The following RLN2 variants were observed in gnomAD, a reference collection of about 807,000 sequenced individuals.
The protein encoded by RLN2 is prorelaxin H2.
A neutral mutation model predicts 7.3 loss-of-function variants in RLN2; 10 were observed. That is an observed-to-expected ratio of 1.36 (90% CI 0.84 to 2.31). The LOEUF (loss-of-function observed/expected upper bound fraction) is 2.31, where lower values mean the gene tolerates loss of function less well. Among genes scored for constraint, RLN2 ranks in the 30% most tolerant of loss-of-function variants. The pLI, the probability that RLN2 is intolerant of heterozygous loss-of-function variation, is 0.00. For missense variants in RLN2, 298 were observed against 217.6 expected, an observed-to-expected ratio of 1.37 and a Z score of -2.32; for synonymous variants, 103 against 82.3, an observed-to-expected ratio of 1.25 and a Z score of -1.36.
the RLN2 span, among the ~76,000 whole-genome samples, chr9:5,312,381 G>C: frequency 8.5e-4 from 129 of 152,170 alleles, 1 homozygote; most frequent in African/African-American, 2.9e-3. Flanking sequence ...TGAGATGGCA[G>C]CTGTCAAAAG....
At chr9:5,335,960 A>T in the RLN2 span, among the ~76,000 whole-genome samples, 1 of 152,022 alleles carries the variant, frequency 6.6e-6, no homozygotes, top group Non-Finnish European at 1.5e-5. Context: ...ATTTTCTTGG[A>T]TTCTTCTTAC....
the RLN2 span, among the ~76,000 whole-genome samples, chr9:5,330,914 G>A: frequency 1.2e-3 from 175 of 151,678 alleles, 2 homozygotes; most frequent in African/African-American, 4.1e-3. Context: ...GATAAAGGGG[G>A]TATCACCACT....
the RLN2 span, among the ~76,000 whole-genome samples, chr9:5,316,555 G>A: frequency 6.6e-6 from 1 of 151,880 alleles, no homozygotes; most frequent in Non-Finnish European, 1.5e-5. Flanking sequence ...TTGGTTTTCT[G>A]TTCCTGTGTT....
At chr9:5,333,860 A>T in the RLN2 span, among the ~76,000 whole-genome samples, 1 of 152,056 alleles carries the variant, frequency 6.6e-6, no homozygotes, top group Non-Finnish European at 1.5e-5. Flanking sequence ...CAAGGTTGGT[A>T]CAACATACAC....
chr9:5,324,070 A>C, the RLN2 span, among the ~76,000 whole-genome samples: 1 of 151,884 alleles, frequency 6.6e-6, no homozygotes, highest in Non-Finnish European at 1.5e-5. Context: ...AAATAAATAA[A>C]AGATGTAATT....
chr9:5,319,279 G>A, the RLN2 span, among the ~76,000 whole-genome samples: 1 of 151,914 alleles, frequency 6.6e-6, no homozygotes, highest in African/African-American at 2.4e-5. Flanking sequence ...ATGACTTCCT[G>A]ATGAACTGAG....
At chr9:5,334,232 TG>T in the RLN2 span, among the ~76,000 whole-genome samples, 1 of 152,032 alleles carries the variant, frequency 6.6e-6, no homozygotes, top group Non-Finnish European at 1.5e-5. Context: ...AAATTGTGTT[TG>T]TTTGCAGATG....
At chr9:5,316,353 T>C in the RLN2 span, among the ~76,000 whole-genome samples, 2 of 151,972 alleles carry the variant, frequency 1.3e-5, no homozygotes, top group African/African-American at 4.8e-5. Context: ...ACAGGTTTGT[T>C]ACATAGGTAT....
chr9:5,317,041 G>C, the RLN2 span, among the ~76,000 whole-genome samples: 11 of 152,052 alleles, frequency 7.2e-5, no homozygotes, highest in East Asian at 1.5e-3. Context: ...TTTTATGTAA[G>C]CCTCACAGTA....
chr9:5,316,055 T>G, the RLN2 span, among the ~76,000 whole-genome samples: 1 of 151,982 alleles, frequency 6.6e-6, no homozygotes, highest in African/African-American at 2.4e-5. Context: ...TCCAAAATAC[T>G]CTAATATTAT....
chr9:5,318,414 T>C, the RLN2 span, among the ~76,000 whole-genome samples: 3 of 151,976 alleles, frequency 2.0e-5, no homozygotes, highest in Admixed American at 2.0e-4. Flanking sequence ...CTATGGTTAC[T>C]GTGAAATATG....
chr9:5,317,227 T>C, the RLN2 span, among the ~76,000 whole-genome samples: 12 of 152,018 alleles, frequency 7.9e-5, no homozygotes, highest in African/African-American at 2.2e-4. Context: ...ATAATTACTT[T>C]GAATGTAAAT....
the RLN2 span, among the ~76,000 whole-genome samples, chr9:5,328,580 G>C: frequency 6.6e-6 from 1 of 151,980 alleles, no homozygotes; most frequent in African/African-American, 2.4e-5. Flanking sequence ...GATACTCCTC[G>C]AGAAGAGCAA....
intron 1 of RLN2, among the ~76,000 whole-genome samples, chr9:5,302,166 A>G (rs1260407137): frequency 6.6e-6 from 1 of 152,198 alleles, no homozygotes; most frequent in East Asian, 1.9e-4. Flanking sequence ...TTATACTTTT[A>G]TTAAAATTAT....
upstream of RLN2, among the ~76,000 whole-genome samples, chr9:5,305,738 C>T (rs1474418764): frequency 6.6e-6 from 1 of 151,980 alleles, no homozygotes; most frequent in African/African-American, 2.4e-5. Flanking sequence ...ACATGCAGGA[C>T]ATTAGGGTAG....
At chr9:5,310,028 G>C in the RLN2 span, among the ~76,000 whole-genome samples, 1 of 152,004 alleles carries the variant, frequency 6.6e-6, no homozygotes, top group Non-Finnish European at 1.5e-5. Flanking sequence ...TCACATCTTT[G>C]AGGAGGGGGA....
At chr9:5,311,783 C>A in the RLN2 span, 2 of 732,388 alleles carry the variant, frequency 2.7e-6, no homozygotes, top group South Asian at 1.6e-5. Context: ...ATTTTTTTAT[C>A]AAGTTTTATA....
At chr9:5,337,858 G>GAAGT in the RLN2 span, among the ~76,000 whole-genome samples, 1 of 151,938 alleles carries the variant, frequency 6.6e-6, no homozygotes, top group South Asian at 2.1e-4. Flanking sequence ...TGTGATTAAT[G>GAAGT]ATTTTCAGCA....
the RLN2 span, among the ~76,000 whole-genome samples, chr9:5,310,153 T>C: frequency 6.6e-6 from 1 of 151,952 alleles, no homozygotes; most frequent in African/African-American, 2.4e-5. Flanking sequence ...AGCAGGGTTT[T>C]AGAGAGGGCT....
Sources: gnomAD v4.1 joint callset for allele counts (sites outside exome capture counted in the v4.1 genomes callset) on GRCh38, gnomAD v4.1.1 for gene constraint, MANE v1.5 for transcripts, NCBI Gene and HGNC (gene_info 2026-07-23, HGNC 2026-07-21) for gene names.